The following RALGAPB variants were observed in gnomAD, a reference collection of about 807,000 sequenced individuals.
RALGAPB encodes ral GTPase-activating protein subunit beta.
Under a neutral mutation model 161.1 loss-of-function variants are expected in RALGAPB, and 25 were observed. The ratio of observed to expected loss-of-function variants is 0.16; its 90% CI spans 0.11 to 0.22. The LOEUF is 0.22. Ranked by LOEUF, RALGAPB falls within the 10% of genes least tolerant of loss-of-function variation. RALGAPB has a pLI of 1.00. For synonymous variants in RALGAPB, 629 were observed against 626.1 expected (o/e 1.00, Z -0.07); for missense variants, 1,391 against 1,815.2 (o/e 0.77, Z 4.25).
chr20:38,543,529 A>G (rs1051477133), intron 18 of RALGAPB, among the ~76,000 whole-genome samples: 7 of 152,164 alleles, frequency 4.6e-5, no homozygotes, highest in Admixed American at 1.3e-4. Flanking sequence ...TGCTGCTTGA[A>G]TGATTGAAAA....
intron 23 of RALGAPB, among the ~76,000 whole-genome samples, chr20:38,559,127 TC>T (rs2087699196): frequency 6.6e-6 from 1 of 152,122 alleles, no homozygotes; most frequent in Non-Finnish European, 1.5e-5. Context: ...ATATCTTTCT[TC>T]CCCTTAAGGA....
In RALGAPB at chr20:38,517,398, C is replaced by T. The variant is rs1402864367; in HGVS notation, c.1052-108C>T. 8 of 1,137,594 alleles carry T rather than the reference C, an allele frequency of 7.0e-6. No individual in the cohort carries two copies. In the African/African-American group the frequency reaches 1.3e-4, roughly 18 times the overall value. The allele number at this position is 1,137,594 out of a possible 1,614,324, so 70.5% of individuals were successfully genotyped here. ...ACTGAGAGGCAACTAGCAATCTCTG[C>T]TATAGTCTATGTGTCCCAAGCCTTC... On this transcript the variant is annotated intron_variant, in intron 7 of 29. Transcript: ENST00000262879.
chr20:38,477,859 G>C (rs527852150), intron 1 of RALGAPB, among the ~76,000 whole-genome samples: 16 of 152,278 alleles, frequency 1.1e-4, no homozygotes, highest in African/African-American at 3.6e-4. Context: ...TGCGGTGGCT[G>C]ACTTGTAAAC....
Position 38,574,287 on chromosome 20 carries a change from G to A in RALGAPB, c.4280G>A (p.Arg1427Lys). Residue 1427 changes from arginine (R) to lysine (K), a missense_variant, in exon 29 of 30, where the codon AGG (arginine) becomes AAG (lysine). Transcript: ENST00000262879. Reference sequence around the variant, plus strand: ...CTTGTGGATGGGATGATTGTCAGCAGGCGAGCTCTTGGTAAGGTCTTCATA... The same window carrying A: ...CTTGTGGATGGGATGATTGTCAGCAAGCGAGCTCTTGGTAAGGTCTTCATA... ...IPLVDGMIVS[R>K]RALGFLVRQT... 6.2e-7 allele frequency: 1 copy of A among 1,610,008 alleles called. No individual in the cohort carries two copies. Among genetic ancestry groups the A allele is most frequent in the Non-Finnish European group, 8.5e-7 (1 of 1,178,580 alleles).
chr20:38,542,758 C>G (rs1311126978), intron 18 of RALGAPB, among the ~76,000 whole-genome samples: 1 of 151,916 alleles, frequency 6.6e-6, no homozygotes, highest in African/African-American at 2.4e-5. Context: ...ACATGTAGTC[C>G]CAGCTACTCA....
Position 38,574,164 on chromosome 20 carries a change from A to C in RALGAPB, c.4157A>C (p.Glu1386Ala). ...CTTTTCTTAAGATCTACAACTCTTGAAAAAGAAGTTCCTGTCATCTTCATC... is the reference window on the plus strand; with the variant it reads ...CTTTTCTTAAGATCTACAACTCTTGCAAAAGAAGTTCCTGTCATCTTCATC... ...SSTSLRSTTL[E>A]KEVPVIFIHP... Residue 1386 changes from glutamate (E) to alanine (A), a missense_variant, in exon 29 of 30, where the codon GAA becomes GCA. Physicochemically the swap from Glu to Ala is moderately radical, Grantham distance 107 (BLOSUM62 -1). This residue lies in a region of RALGAPB where 436 missense variants were observed against 527.0 expected (regional missense o/e 0.83). Coordinates refer to ENST00000262879, the MANE Select transcript of RALGAPB (RefSeq NM_020336.4). 1 of 1,606,930 alleles carries C rather than the reference A, an allele frequency of 6.2e-7. No individual in the cohort carries two copies.
At chr20:38,560,789 G>A (rs902230567) in intron 23 of RALGAPB, among the ~76,000 whole-genome samples, 2 of 152,162 alleles carry the variant, frequency 1.3e-5, no homozygotes, top group Non-Finnish European at 2.9e-5. Flanking sequence ...GAATGTCTAA[G>A]ACCTGCCTTC....
chr20:38,509,017 C>A lies in RALGAPB; in HGVS notation c.741-60C>A, dbSNP rs138065937. ...CCATTTTCTCTGTCTTCTTTCTATG[C>A]TTGAGTGTATTTTTCAATCTGTTAA... On this transcript the variant is annotated intron_variant, in intron 5 of 29. Coordinates refer to ENST00000262879, the MANE Select transcript of RALGAPB (RefSeq NM_020336.4). The A allele has an allele frequency of 9.7e-4, 1,512 of 1,555,154 alleles. 18 individuals carry two copies. In the African/African-American group the frequency reaches 0.018, roughly 18 times the overall value.
chr20:38,516,614 T>C (rs901320936), intron 7 of RALGAPB: 1 of 400,034 alleles, frequency 2.5e-6, no homozygotes, highest in Non-Finnish European at 4.4e-6. Context: ...CGGCCAAAAC[T>C]GCAGTTACTT....
intron 20 of RALGAPB, among the ~76,000 whole-genome samples, chr20:38,549,271 A>G (rs1189264283): frequency 2.0e-5 from 3 of 151,984 alleles, no homozygotes; most frequent in Non-Finnish European, 4.4e-5. Context: ...TCTGTTGCCC[A>G]GACTGGAGTG....
chr20:38,478,693 C>T (rs371678343), intron 1 of RALGAPB, among the ~76,000 whole-genome samples: 59 of 151,944 alleles, frequency 3.9e-4, no homozygotes, highest in Non-Finnish European at 4.0e-4. Context: ...CTCGGCTCAC[C>T]GCAGCCTCCA....
chr20:38,543,683 A>G (rs141493198), intron 18 of RALGAPB, among the ~76,000 whole-genome samples: 11 of 152,322 alleles, frequency 7.2e-5, no homozygotes, highest in African/African-American at 2.6e-4. Context: ...GCTATGAACT[A>G]GCCATGCTTA....
intron 13 of RALGAPB, among the ~76,000 whole-genome samples, chr20:38,529,715 C>T (rs6100083): frequency 0.074 from 11,086 of 150,498 alleles, 1,416 homozygotes; most frequent in African/African-American, 0.26. Context: ...TGGTGGCAGG[C>T]GCCTGTAATT....
chr20:38,572,264 G>A (rs1353160293), intron 28 of RALGAPB, among the ~76,000 whole-genome samples: 3 of 152,188 alleles, frequency 2.0e-5, no homozygotes, highest in Non-Finnish European at 2.9e-5. Flanking sequence ...GATAAAAAGA[G>A]AATAATCTGA....
intron 18 of RALGAPB, among the ~76,000 whole-genome samples, chr20:38,541,839 G>A (rs186121807): frequency 3.9e-5 from 6 of 152,286 alleles, no homozygotes; most frequent in Admixed American, 2.0e-4. Context: ...AACATTTCTT[G>A]AGGAAAATGA....
At chr20:38,561,055 G>A (rs1356626287) in intron 23 of RALGAPB, among the ~76,000 whole-genome samples, 1 of 152,252 alleles carries the variant, frequency 6.6e-6, no homozygotes, top group Non-Finnish European at 1.5e-5. Flanking sequence ...GGCCGGGTGT[G>A]GTGGCTCATG....
At chr20:38,505,160 A>G (rs2085722771) in intron 5 of RALGAPB, among the ~76,000 whole-genome samples, 1 of 152,270 alleles carries the variant, frequency 6.6e-6, no homozygotes, top group Admixed American at 6.5e-5. Flanking sequence ...ACAATAGCAA[A>G]GACATGGAAT....
rs140814337 is a variant in RALGAPB at position 38,548,492 on chromosome 20, G to C, written c.2903-197G>C. Among the ~76,000 whole-genome samples the C allele has an allele frequency of 2.0e-3, 306 of 152,348 alleles. 4 individuals are homozygous for C. Among genetic ancestry groups the C allele is most frequent in the African/African-American group, 6.7e-3 (280 of 41,588 alleles). ...ATTTTCCATTTAGAGATGCACAAGA[G>C]TGGTTGATACAAAGTAATAGTACTT... On this transcript the variant is annotated intron_variant, in intron 19 of 29. Transcript: ENST00000262879.
intron 4 of RALGAPB, among the ~76,000 whole-genome samples, chr20:38,498,248 TA>T (rs2085484335): frequency 6.6e-6 from 1 of 152,230 alleles, no homozygotes; most frequent in South Asian, 2.1e-4. Flanking sequence ...GCCAGTTTGC[TA>T]TTCATTAGCT....
Sources: gnomAD v4.1 joint callset for allele counts (sites outside exome capture counted in the v4.1 genomes callset) on GRCh38, gnomAD v4.1.1 for gene constraint, gnomAD v4.1.1 regional missense constraint, MANE v1.5 for transcripts, NCBI Gene and HGNC (gene_info 2026-07-23, HGNC 2026-07-21) for gene names.